The following PPARGC1A variants were observed in gnomAD, a reference collection of about 807,000 sequenced individuals.
PPARGC1A encodes peroxisome proliferator-activated receptor gamma coactivator 1-alpha.
In PPARGC1A, 25 loss-of-function variants were observed where a neutral mutation model predicts 88.7. The observed-to-expected ratio is 0.28, with a 90% CI of 0.21 to 0.39. The LOEUF is 0.39. Among genes scored for constraint, PPARGC1A ranks in the 10% least tolerant of loss-of-function variants. The pLI, the probability that PPARGC1A is intolerant of heterozygous loss-of-function variation, is 1.00. For missense variants in PPARGC1A, 880 were observed against 968.7 expected (o/e 0.91, Z 1.22); for synonymous variants, 363 against 355.6 (o/e 1.02, Z -0.24).
rs550243415 is a variant in PPARGC1A, at chr4:23,895,936, ATGTGTGTGTG to A, written n.52+3321_52+3330del. On this transcript the variant is annotated intron_variant and non_coding_transcript_variant, in intron 1 of 3. Coordinates refer to the PPARGC1A transcript ENST00000507342. ...TGACCTGGTTCAATAAATTATAGAG[ATGTGTGTGTG>A]TGTGTGTGTGTGTGTGTGTGTGTGT... is the stretch of plus-strand genomic sequence containing the variant. Among the ~76,000 whole-genome samples the A allele has an allele frequency of 6.9e-5, 9 of 130,716 alleles. No individual in the cohort carries two copies. In the South Asian group the frequency reaches 1.1e-3, roughly 16 times the overall value. The allele number at this position is 130,716 out of a possible 152,430, so 85.8% of individuals were successfully genotyped here.
chr4:24,442,357 GA>G, the PPARGC1A span, among the ~76,000 whole-genome samples: 23 of 151,880 alleles, frequency 1.5e-4, no homozygotes, highest in East Asian at 7.7e-4. Flanking sequence ...GCAGTAAGGG[GA>G]AAAAAAATCT....
At chr4:24,154,021 A>G in the PPARGC1A span, among the ~76,000 whole-genome samples, 1 of 152,218 alleles carries the variant, frequency 6.6e-6, no homozygotes, top group Non-Finnish European at 1.5e-5. Context: ...ATAAAGGACC[A>G]TGGGCAAAGA....
chr4:24,276,370 C>A, the PPARGC1A span, among the ~76,000 whole-genome samples: 1 of 152,180 alleles, frequency 6.6e-6, no homozygotes, highest in South Asian at 2.1e-4. Context: ...TGTGCCTACC[C>A]TCACACTGGT....
the PPARGC1A span, among the ~76,000 whole-genome samples, chr4:24,387,879 A>AG: frequency 8.1e-6 from 1 of 123,492 alleles, no homozygotes; most frequent in African/African-American, 3.5e-5. Context: ...GAAGAAAGAG[A>AG]AAGAAAGAAA....
At chr4:24,387,863 AGAAAGG>A in the PPARGC1A span, among the ~76,000 whole-genome samples, 1 of 129,034 alleles carries the variant, frequency 7.7e-6, no homozygotes, top group Non-Finnish European at 1.7e-5. Flanking sequence ...AGAGAAAGAG[AGAAAGG>A]AAGAAAGAGA....
At chr4:23,864,841 T>C (rs74983212) in intron 2 of PPARGC1A, among the ~76,000 whole-genome samples, 8,772 of 152,258 alleles carry the variant, frequency 0.058, 366 homozygotes, top group African/African-American at 0.12. Flanking sequence ...AAAGACCTCA[T>C]TGACAGCAGA....
the PPARGC1A span, among the ~76,000 whole-genome samples, chr4:24,126,748 C>T: frequency 4.6e-5 from 7 of 152,294 alleles, no homozygotes; most frequent in African/African-American, 1.2e-4. Context: ...TTCCCAAGGG[C>T]GGCATGCTAG....
the PPARGC1A span, among the ~76,000 whole-genome samples, chr4:23,929,006 G>C: frequency 6.6e-6 from 1 of 152,068 alleles, no homozygotes; most frequent in Non-Finnish European, 1.5e-5. Flanking sequence ...AGAGCATTAG[G>C]AAAAATTGCT....
At chr4:23,980,728 G>A in the PPARGC1A span, among the ~76,000 whole-genome samples, 1 of 152,114 alleles carries the variant, frequency 6.6e-6, no homozygotes, top group African/African-American at 2.4e-5. Context: ...ATAGGATGGA[G>A]GCTTCCACTA....
At chr4:24,254,483 A>G in the PPARGC1A span, among the ~76,000 whole-genome samples, 1 of 152,204 alleles carries the variant, frequency 6.6e-6, no homozygotes, top group African/African-American at 2.4e-5. Flanking sequence ...AGAAAGATCT[A>G]GATAGCACCA....
the PPARGC1A span, chr4:24,258,221 G>A: frequency 3.1e-6 from 3 of 981,624 alleles, no homozygotes; most frequent in Non-Finnish European, 3.6e-6. Flanking sequence ...CTTCATCCAT[G>A]GGGCTCCAAT....
At chr4:24,387,934 G>GAAAGAAAGAGAA in the PPARGC1A span, among the ~76,000 whole-genome samples, 3 of 71,458 alleles carry the variant, frequency 4.2e-5, no homozygotes, top group African/African-American at 2.0e-4. Context: ...AAGAAAGAAA[G>GAAAGAAAGAGAA]AGAAAGAAAG....
the PPARGC1A span, among the ~76,000 whole-genome samples, chr4:24,204,723 A>G: frequency 5.5e-3 from 835 of 152,152 alleles, 39 homozygotes; most frequent in East Asian, 0.11. Context: ...ACCTCTGTGT[A>G]CCATATTAGT....
the PPARGC1A span, among the ~76,000 whole-genome samples, chr4:24,385,567 CT>C: frequency 6.1e-4 from 93 of 152,286 alleles, no homozygotes; most frequent in African/African-American, 1.9e-3. Context: ...GATATCACCA[CT>C]GATCCCACAG....
chr4:23,917,376 CT>C, the PPARGC1A span, among the ~76,000 whole-genome samples: 82,332 of 132,354 alleles, frequency 0.62, 25,209 homozygotes, highest in African/African-American at 0.76. Flanking sequence ...TTCTTTCTTT[CT>C]TTTTTTTTTT....
At chr4:24,402,095 A>G in the PPARGC1A span, among the ~76,000 whole-genome samples, 69 of 152,222 alleles carry the variant, frequency 4.5e-4, 1 homozygote, top group African/African-American at 1.5e-3. Flanking sequence ...GCTGCTGAAT[A>G]GAACTCTATT....
intron 2 of PPARGC1A, among the ~76,000 whole-genome samples, chr4:23,858,779 C>T (rs944092455): frequency 1.3e-4 from 20 of 152,076 alleles, no homozygotes; most frequent in Non-Finnish European, 1.9e-4. Context: ...CCTCTTAACT[C>T]GGAGACTCAG....
the PPARGC1A span, among the ~76,000 whole-genome samples, chr4:24,089,510 C>CTTTTTTTTTTTTT: frequency 3.0e-5 from 1 of 33,820 alleles, no homozygotes; most frequent in Admixed American, 3.4e-4. Flanking sequence ...CTTTTCTTTT[C>CTTTTTTTTTTTTT]TTTCTTTTTT....
the PPARGC1A span, among the ~76,000 whole-genome samples, chr4:24,307,793 T>A: frequency 6.6e-6 from 1 of 152,152 alleles, no homozygotes; most frequent in Admixed American, 6.5e-5. Context: ...CACCCTCATT[T>A]CTAGTCCCGG....
Sources: gnomAD v4.1 joint callset for allele counts (sites outside exome capture counted in the v4.1 genomes callset) on GRCh38, gnomAD v4.1.1 for gene constraint, MANE v1.5 for transcripts, NCBI Gene and HGNC (gene_info 2026-07-23, HGNC 2026-07-21) for gene names.